The following SKI variants were observed in gnomAD, a reference collection of about 807,000 sequenced individuals.
SKI encodes the protein SKI proto-oncogene.
In SKI, 23 loss-of-function variants were observed where a neutral mutation model predicts 59.3. The ratio of observed to expected loss-of-function variants is 0.39; its 90% CI spans 0.28 to 0.55. SKI has a LOEUF of 0.55. Among genes scored for constraint, SKI ranks in the 20% least tolerant of loss-of-function variants. The pLI, the probability that SKI is intolerant of heterozygous loss-of-function variation, is 0.67. For synonymous variants in SKI, 673 were observed against 488.6 expected (o/e 1.38, Z -4.98); for missense variants, 1,017 against 1,038.9 (o/e 0.98, Z 0.29).
intron 1 of SKI, among the ~76,000 whole-genome samples, chr1:2,274,144 A>G (rs1030410512): frequency 1.3e-5 from 2 of 151,954 alleles, no homozygotes; most frequent in East Asian, 1.9e-4. Context: ...CGCTTTGTCA[A>G]TGGCACTGGT....
Position 2,303,088 on chromosome 1 carries a change from C to T in SKI, c.1080C>T (p.Ala360=), listed in dbSNP as rs200557598. The change falls in exon 2 of 7, where the codon GCC becomes GCT. Residue 360 remains alanine, a synonymous_variant. Coordinates refer to ENST00000378536, the MANE Select transcript of SKI (RefSeq NM_003036.4). The surrounding 1 kb of genome is among the most constrained non-coding windows in gnomAD (Gnocchi z 5.6). The part of the protein sequence containing the change: ...DKPSSWLRTL[A]GSSNKSLGCV... ...CGTCCAGCTGGCTGCGGACCTTGGC[C>T]GGCTCTTCCAATAAGGTGCTGTGGG... The T allele has an allele frequency of 3.7e-5, 60 of 1,613,362 alleles. No homozygotes were observed. Among genetic ancestry groups the T allele is most frequent in the Middle Eastern group, 1.6e-4 (1 of 6,062 alleles).
At chr1:2,255,184 C>T (rs779983029) in intron 1 of SKI, among the ~76,000 whole-genome samples, 16 of 152,230 alleles carry the variant, frequency 1.1e-4, no homozygotes, top group Non-Finnish European at 4.4e-5. Context: ...CAGGCAGGGA[C>T]GCTCCCCATT....
intron 1 of SKI, among the ~76,000 whole-genome samples, chr1:2,301,755 G>A (rs899513315): frequency 3.3e-5 from 5 of 152,250 alleles, no homozygotes; most frequent in Non-Finnish European, 7.3e-5. Context: ...TCCTGGCTGA[G>A]GGCAAGGGCG....
chr1:2,260,529 CTTTTTCTTTTTTTTT>C (rs1467825127), intron 1 of SKI, among the ~76,000 whole-genome samples: 1 of 51,324 alleles, frequency 1.9e-5, no homozygotes, highest in Non-Finnish European at 3.9e-5. Flanking sequence ...TCAGTTTGTT[CTTTTTCTTTTTTTTT>C]TTTTTTTTTT....
At chr1:2,284,964 T>C (rs1640005342) in intron 1 of SKI, among the ~76,000 whole-genome samples, 1 of 152,172 alleles carries the variant, frequency 6.6e-6, no homozygotes, top group African/African-American at 2.4e-5. Context: ...TCATAAGTGG[T>C]TTTATTTTGT....
intron 1 of SKI, among the ~76,000 whole-genome samples, chr1:2,280,677 C>A (rs1426092987): frequency 2.6e-3 from 154 of 59,336 alleles, no homozygotes; most frequent in Middle Eastern, 0.014. Context: ...GCGGCGGCGG[C>A]GATCTTCAGA....
At chr1:2,255,885 C>A (rs942998063) in intron 1 of SKI, among the ~76,000 whole-genome samples, 1 of 151,402 alleles carries the variant, frequency 6.6e-6, no homozygotes, top group Non-Finnish European at 1.5e-5. Context: ...CTGGAGCTCT[C>A]TCTGTCCTGA....
At chr1:2,243,339 C>T (rs905827667) in intron 1 of SKI, among the ~76,000 whole-genome samples, 2 of 152,270 alleles carry the variant, frequency 1.3e-5, no homozygotes, top group African/African-American at 2.4e-5. Flanking sequence ...CCTGCCCTCT[C>T]GTGCTCCTCG....
intron 1 of SKI, among the ~76,000 whole-genome samples, chr1:2,251,913 G>T (rs915899325): frequency 6.6e-6 from 1 of 152,160 alleles, no homozygotes; most frequent in African/African-American, 2.4e-5. Flanking sequence ...GGCTGAACCG[G>T]CTTATCTGGC....
intron 5 of SKI, 61 bp from the exon 6 acceptor site, chr1:2,305,959 C>G: frequency 7.8e-7 from 1 of 1,281,560 alleles, no homozygotes; most frequent in South Asian, 1.3e-5. Context: ...GACTGCTGGT[C>G]ATGGTGAGGG....
At chr1:2,240,774 C>T (rs755866325) in intron 1 of SKI, 178 of 985,340 alleles carry the variant, frequency 1.8e-4, no homozygotes, top group Non-Finnish European at 2.0e-4. Flanking sequence ...AGCACAGCAT[C>T]CTGTTGTTCG....
rs771608086 is a variant in SKI, at chr1:2,306,010, C to T, written c.1768-10C>T. ...CTGGGCAGTGACCCCGAGCCGCCTC[C>T]GGCCCCCAGGAGCTGGAGTTCCTAC... On this transcript the variant is annotated splice_polypyrimidine_tract_variant and intron_variant, in intron 5 of 6. Transcript: ENST00000378536. The T allele has an allele frequency of 1.5e-5, 24 of 1,563,224 alleles. No homozygotes were observed. The highest frequency in any genetic ancestry group is 2.1e-5 in the Non-Finnish European group (24 of 1,154,336).
At position 2,270,557 on chromosome 1, in the gene SKI, C is replaced by T. The variant is rs928604381; in HGVS notation, c.970-32421C>T. ...CGGGCAGTGTGCAGTGTTGAGGGGG[C>T]GCTGGGGAAACAAGCTGCCGGCTGA... On this transcript the variant is annotated intron_variant, in intron 1 of 6. Coordinates refer to ENST00000378536, the MANE Select transcript of SKI (RefSeq NM_003036.4). This position sits in a 1 kb window ranked among gnomAD's most constrained non-coding sequence, Gnocchi z 4.1. 9.9e-5 allele frequency among the ~76,000 whole-genome samples: 15 copies of T among 152,142 alleles called. No individual in the cohort carries two copies. Among genetic ancestry groups the T allele is most frequent in the Non-Finnish European group, 1.8e-4 (12 of 67,884 alleles).
chr1:2,308,123 C>G lies in SKI; in HGVS notation c.*1358C>G, dbSNP rs188655097. ...AAATGATTTCCCAGTAGACAAGAGGCGGCTACCTATCCTACAGTTACGGTA... is the reference window on the plus strand; with the variant it reads ...AAATGATTTCCCAGTAGACAAGAGGGGGCTACCTATCCTACAGTTACGGTA... On this transcript the variant is annotated 3_prime_UTR_variant, in exon 7 of 7. Coordinates refer to ENST00000378536, the MANE Select transcript of SKI (RefSeq NM_003036.4). 4 of 152,358 alleles carry G rather than the reference C, an allele frequency of 2.6e-5. No individual in the cohort carries two copies. The South Asian group carries it at 8.3e-4, about 32-fold the overall frequency. 9.4% of individuals were successfully genotyped at this position (152,358 alleles called of 1,614,324 possible).
intron 1 of SKI, among the ~76,000 whole-genome samples, chr1:2,283,658 A>G (rs1349873588): frequency 6.6e-6 from 1 of 152,162 alleles, no homozygotes; most frequent in Non-Finnish European, 1.5e-5. Context: ...CATCCAGCCC[A>G]GGGGGCTTCA....
intron 1 of SKI, among the ~76,000 whole-genome samples, chr1:2,288,672 A>G (rs1438761056): frequency 6.6e-6 from 1 of 152,140 alleles, no homozygotes; most frequent in Non-Finnish European, 1.5e-5. Context: ...TTGGCCACAG[A>G]GTCAGCTGGC....
chr1:2,301,816 G>T (rs1427812917), intron 1 of SKI, among the ~76,000 whole-genome samples: 1 of 152,250 alleles, frequency 6.6e-6, no homozygotes, highest in Non-Finnish European at 1.5e-5. Context: ...GGCCTCGGCA[G>T]AGTGAGTGGG....
chr1:2,285,333 T>C (rs1640013925), intron 1 of SKI, among the ~76,000 whole-genome samples: 1 of 151,934 alleles, frequency 6.6e-6, no homozygotes. Context: ...GCCAACATGG[T>C]GAAACCCAAT....
At position 2,304,278 on chromosome 1, in the gene SKI, C is replaced by T. The variant is rs753738554; in HGVS notation, c.1475-15C>T. ...CACTTCCATGACTTTGTTTCTGTCT[C>T]TGCTTCCTCCTCAGTCACCTCCTCC... is the stretch of plus-strand genomic sequence containing the variant. On this transcript the variant is annotated splice_polypyrimidine_tract_variant and intron_variant, in intron 4 of 6. Coordinates refer to ENST00000378536, the MANE Select transcript of SKI (RefSeq NM_003036.4). 2.6e-6 allele frequency: 4 copies of T among 1,551,738 alleles called. No homozygotes were observed. In the East Asian group the frequency reaches 7.3e-5, roughly 28 times the overall value.
Sources: gnomAD v4.1 joint callset for allele counts (sites outside exome capture counted in the v4.1 genomes callset) on GRCh38, gnomAD v4.1.1 for gene constraint, Gnocchi (gnomAD v3.1) non-coding constraint, MANE v1.5 for transcripts, NCBI Gene and HGNC (gene_info 2026-07-23, HGNC 2026-07-21) for gene names.